The following TMEM132B variants were observed in gnomAD, a reference collection of about 807,000 sequenced individuals.
TMEM132B encodes the protein transmembrane protein 132B.
In TMEM132B, 18 loss-of-function variants were observed where a neutral mutation model predicts 90.8. The observed-to-expected ratio is 0.20, with a 90% CI of 0.14 to 0.29. TMEM132B has a LOEUF of 0.29. TMEM132B is among the 10% of genes least tolerant of loss of function. The pLI is 1.00. For missense variants in TMEM132B, 1,096 were observed against 1,326.8 expected, an observed-to-expected ratio of 0.83 and a Z score of 2.70; for synonymous variants, 504 against 523.3, an observed-to-expected ratio of 0.96 and a Z score of 0.50.
intron 1 of TMEM132B, among the ~76,000 whole-genome samples, chr12:125,347,862 C>T (rs1877411829): frequency 6.6e-6 from 1 of 152,200 alleles, no homozygotes; most frequent in Non-Finnish European, 1.5e-5. Flanking sequence ...CTAAGAAACA[C>T]ACATACATGT....
chr12:125,643,191 C>T (rs979590), intron 5 of TMEM132B, among the ~76,000 whole-genome samples: 83,771 of 152,036 alleles, frequency 0.55, 24,491 homozygotes, highest in African/African-American at 0.75. Context: ...CTGTGGTGGC[C>T]CCACTGGTTG....
intron 3 of TMEM132B, among the ~76,000 whole-genome samples, chr12:125,508,780 C>CTT (rs756913141): frequency 8.8e-5 from 12 of 135,976 alleles, no homozygotes; most frequent in Non-Finnish European, 1.1e-4. Context: ...TTCTTTCTTT[C>CTT]TTTTTTTTTT....
rs1376863021 is a variant in TMEM132B at position 125,458,428 on chromosome 12, G to A, written c.1106+42751G>A. On this transcript the variant is annotated intron_variant, in intron 3 of 8. Transcript: ENST00000682704. The surrounding 1 kb of genome is among the most constrained non-coding windows in gnomAD (Gnocchi z 4.9). ...CACTAAGCAGGCAGCACAGGTCTGT[G>A]ATTCTAGAGAGAAGGAAACAAACCA... Among the ~76,000 whole-genome samples, 1 of 152,174 alleles carries A rather than the reference G, an allele frequency of 6.6e-6. No homozygotes were observed. The highest frequency in any genetic ancestry group is 1.5e-5 in the Non-Finnish European group (1 of 68,016).
At chr12:125,589,291 G>C (rs762300337) in intron 5 of TMEM132B, among the ~76,000 whole-genome samples, 44 of 151,922 alleles carry the variant, frequency 2.9e-4, no homozygotes, top group Non-Finnish European at 5.7e-4. Context: ...GACCATCCTG[G>C]CTAACACGGT....
chr12:125,558,087 CTTCG>C (rs1884434643), intron 4 of TMEM132B, among the ~76,000 whole-genome samples: 1 of 152,204 alleles, frequency 6.6e-6, no homozygotes, highest in Non-Finnish European at 1.5e-5. Context: ...ATCATCCGTC[CTTCG>C]TTTCCTTTTG....
intron 1 of TMEM132B, among the ~76,000 whole-genome samples, chr12:125,319,475 C>T (rs1421532126): frequency 6.6e-6 from 1 of 152,350 alleles, no homozygotes; most frequent in East Asian, 1.9e-4. Flanking sequence ...AGCCTCTCTT[C>T]TGCTGTGGCC....
Position 125,484,256 on chromosome 12 carries a change from A to ACGATAT in TMEM132B, c.1107-35183_1107-35182insCGATAT, listed in dbSNP as rs201203473. ...GCATAATCTAATGTTCTCCAACTTC[A>ACGATAT]GTGTACACACGATATGTATGAACAC... is the stretch of plus-strand genomic sequence containing the variant. On this transcript the variant is annotated intron_variant, in intron 3 of 8. Transcript: ENST00000682704. Among the ~76,000 whole-genome samples the ACGATAT allele has an allele frequency of 7.4e-3, 1,126 of 152,260 alleles. 7 individuals carry two copies. Among genetic ancestry groups the ACGATAT allele is most frequent in the African/African-American group, 0.025 (1,058 of 41,550 alleles).
intron 1 of TMEM132B, among the ~76,000 whole-genome samples, chr12:125,188,542 C>G (rs1250400289): frequency 6.9e-6 from 1 of 144,576 alleles, no homozygotes; most frequent in Non-Finnish European, 1.5e-5. Context: ...TACCACCCCC[C>G]CACCCCCGTC....
chr12:125,555,785 G>A (rs781633695), intron 4 of TMEM132B, among the ~76,000 whole-genome samples: 1 of 152,088 alleles, frequency 6.6e-6, no homozygotes, highest in South Asian at 2.1e-4. Flanking sequence ...GGGATGTCGA[G>A]TTTGCATAAG....
chr12:125,469,259 C>G (rs1881649299), intron 3 of TMEM132B, among the ~76,000 whole-genome samples: 1 of 152,176 alleles, frequency 6.6e-6, no homozygotes, highest in African/African-American at 2.4e-5. Context: ...TCCCTCTACT[C>G]CTAGTTCTCA....
chr12:125,636,486 C>T (rs868762709), intron 5 of TMEM132B, among the ~76,000 whole-genome samples: 4 of 152,160 alleles, frequency 2.6e-5, no homozygotes, highest in Non-Finnish European at 4.4e-5. Context: ...GCCAAATTCT[C>T]TGATGTTCTG....
At chr12:125,447,575 A>G (rs1725749951) in intron 3 of TMEM132B, among the ~76,000 whole-genome samples, 1 of 152,156 alleles carries the variant, frequency 6.6e-6, no homozygotes, top group South Asian at 2.1e-4. Flanking sequence ...ACACTCACAT[A>G]TATTACACAT....
intron 3 of TMEM132B, among the ~76,000 whole-genome samples, chr12:125,447,021 A>G (rs1881022437): frequency 6.6e-6 from 1 of 152,166 alleles, no homozygotes; most frequent in Admixed American, 6.5e-5. Flanking sequence ...GCATATTGCT[A>G]TTTTATACCA....
intron 5 of TMEM132B, among the ~76,000 whole-genome samples, chr12:125,631,945 CTG>C (rs777124228): frequency 2.0e-5 from 3 of 151,810 alleles, no homozygotes; most frequent in African/African-American, 4.8e-5. Context: ...TTTAGCCACT[CTG>C]TTTTTTTATT....
intron 1 of TMEM132B, among the ~76,000 whole-genome samples, chr12:125,329,636 T>C (rs1019547265): frequency 1.3e-5 from 2 of 152,338 alleles, no homozygotes; most frequent in Admixed American, 1.3e-4. Context: ...GACGATTCCC[T>C]AACGGATGTC....
chr12:125,629,268 C>T (rs1886302789), intron 5 of TMEM132B, among the ~76,000 whole-genome samples: 1 of 151,680 alleles, frequency 6.6e-6, no homozygotes, highest in African/African-American at 2.4e-5. Context: ...ATACTTCCAG[C>T]ACATGAACGT....
intron 2 of TMEM132B, among the ~76,000 whole-genome samples, chr12:125,387,849 C>CTGGATACTGAGA (rs1566020221): frequency 1.3e-5 from 2 of 152,150 alleles, no homozygotes; most frequent in Non-Finnish European, 2.9e-5. Flanking sequence ...GTAAAGAATT[C>CTGGATACTGAGA]TGGATACTGA....
intron 1 of TMEM132B, among the ~76,000 whole-genome samples, chr12:125,191,166 G>A (rs1182154083): frequency 7.2e-6 from 1 of 139,640 alleles, no homozygotes; most frequent in Non-Finnish European, 1.5e-5. Flanking sequence ...CAGGGAAGGG[G>A]TGGTGGTGGT....
rs1323174608 is a variant in TMEM132B at position 125,655,260 on chromosome 12, G to A, written c.*550G>A. ...TGAAACATGAAGAGAAGAAATTTCA[G>A]TCTTTTCCTTGAGCTCTGTTTGATT... On this transcript the variant is annotated 3_prime_UTR_variant, in exon 9 of 9. Transcript: ENST00000682704. 6.6e-6 allele frequency: 1 copy of A among 152,402 alleles called. No homozygotes were observed. The highest frequency in any genetic ancestry group is 2.4e-5 in the African/African-American group (1 of 41,456). The allele number at this position is 152,402 out of a possible 1,614,324, so 9.4% of individuals were successfully genotyped here.
Sources: allele counts gnomAD v4.1 joint callset (sites outside exome capture counted in the v4.1 genomes callset), GRCh38; gene constraint gnomAD v4.1.1; non-coding constraint Gnocchi (gnomAD v3.1); transcripts MANE v1.5; gene names NCBI Gene and HGNC (gene_info 2026-07-23, HGNC 2026-07-21).